Variants in PCDHGA1 observed in about 807,000 individuals in gnomAD.
PCDHGA1 encodes the protein protocadherin gamma subfamily A, 1, also known as protocadherin gamma-A1.
Under a neutral mutation model 58.0 loss-of-function variants are expected in PCDHGA1, and 32 were observed. That is an observed-to-expected ratio of 0.55 (90% CI 0.42 to 0.74). The LOEUF is 0.74. PCDHGA1 is among the 30% of genes least tolerant of loss of function. PCDHGA1 has a pLI of 0.00. For missense variants in PCDHGA1, 1,205 were observed against 1,182.3 expected (o/e 1.02, Z -0.28); for synonymous variants, 498 against 501.1 (o/e 0.99, Z 0.08).
rs1160254496 is a variant in PCDHGA1, at chr5:141,361,417, G to A, written c.2421+28312G>A. The A allele has an allele frequency of 1.9e-6, 3 of 1,613,898 alleles. No individual in the cohort carries two copies. The highest frequency in any genetic ancestry group is 2.7e-5 in the African/African-American group (2 of 74,936). On this transcript the variant is annotated intron_variant, in intron 1 of 3. Coordinates refer to ENST00000517417, the MANE Select transcript of PCDHGA1 (RefSeq NM_018912.3). ...TCTCACCATCACAGCCACCGACGGG[G>A]GCAAGCCGCCCCTCTCCTCCAGCAT...
chr5:141,496,513 G>A (rs1364297990), intron 2 of PCDHGA1, among the ~76,000 whole-genome samples: 1 of 152,140 alleles, frequency 6.6e-6, no homozygotes, highest in Non-Finnish European at 1.5e-5. Context: ...CAAGGACCCA[G>A]GAGCCCTTGG....
In PCDHGA1 at chr5:141,390,041, C is replaced by A. The variant is rs373243233; in HGVS notation, c.2421+56936C>A. On this transcript the variant is annotated intron_variant, in intron 1 of 3. Coordinates refer to ENST00000517417, the MANE Select transcript of PCDHGA1 (RefSeq NM_018912.3). ...TGCGCCTGCGACGCTCCTCCAGCCC[C>A]GCCTCCTGGAGCTGCTTCCAGCCTG... is the stretch of plus-strand genomic sequence containing the variant. The A allele has an allele frequency of 3.7e-6, 6 of 1,613,940 alleles. No homozygotes were observed. In the African/African-American group the frequency reaches 8.0e-5, roughly 22 times the overall value.
chr5:141,401,512 A>G (rs556332375), intron 1 of PCDHGA1, among the ~76,000 whole-genome samples: 2 of 152,374 alleles, frequency 1.3e-5, no homozygotes, highest in South Asian at 4.1e-4. Context: ...CCACCTCTAT[A>G]TAATTACCAG....
In PCDHGA1 at chr5:141,393,718, C is replaced by G. The variant is rs185464441; in HGVS notation, c.2421+60613C>G. Reference sequence around the variant, plus strand: ...CTTAATGAAAATACTGGGGAAATATCAATAGCAAAAAGTCTAGATTATGAA... The same window carrying G: ...CTTAATGAAAATACTGGGGAAATATGAATAGCAAAAAGTCTAGATTATGAA... On this transcript the variant is annotated intron_variant, in intron 1 of 3. Transcript: ENST00000517417. 1.4e-4 allele frequency: 220 copies of G among 1,613,644 alleles called. 1 individual carries two copies. Among genetic ancestry groups the G allele is most frequent in the Non-Finnish European group, 1.8e-4 (214 of 1,179,840 alleles).
chr5:141,340,827 T>A, intron 1 of PCDHGA1: 1 of 1,613,750 alleles, frequency 6.2e-7, no homozygotes, highest in Non-Finnish European at 8.5e-7. Context: ...CTCTTCTCGG[T>A]GGGTCTGCAC....
intron 1 of PCDHGA1, chr5:141,361,032 A>G: frequency 6.2e-7 from 1 of 1,613,436 alleles, no homozygotes. Flanking sequence ...AAAAAACAGG[A>G]GAAATCACGA....
chr5:141,379,967 T>C (rs1362425240), intron 1 of PCDHGA1, among the ~76,000 whole-genome samples: 1 of 142,578 alleles, frequency 7.0e-6, no homozygotes, highest in Non-Finnish European at 1.5e-5. Context: ...TGGTGTGATC[T>C]CTGCTCACTG....
At chr5:141,346,493 A>G (rs1757760046) in intron 1 of PCDHGA1, 2 of 1,612,488 alleles carry the variant, frequency 1.2e-6, no homozygotes, top group Non-Finnish European at 1.7e-6. Context: ...TTAAGAACAA[A>G]TATGAGAATG....
chr5:141,408,380 G>T, intron 1 of PCDHGA1: 1 of 1,614,028 alleles, frequency 6.2e-7, no homozygotes, highest in East Asian at 2.2e-5. Context: ...CAGTGTCCTG[G>T]ATGTGTCGGC....
chr5:141,408,243 G>A lies in PCDHGA1; in HGVS notation c.2421+75138G>A, dbSNP rs372221747. ...GCGCAGAGGCGCCGGGCCGGCCCGC[G>A]GCAGGTGCTATTTCCTTTGCTGCTG... On this transcript the variant is annotated intron_variant, in intron 1 of 3. Transcript: ENST00000517417. 7 of 1,583,996 alleles carry A rather than the reference G, an allele frequency of 4.4e-6. 1 individual carries two copies. The highest frequency in any genetic ancestry group is 5.2e-6 in the Non-Finnish European group (6 of 1,164,814).
Position 141,489,075 on chromosome 5 carries a change from C to A in PCDHGA1, c.2422-5732C>A. The A allele has an allele frequency of 3.1e-6, 1 of 324,814 alleles. No individual in the cohort carries two copies. The highest frequency in any genetic ancestry group is 5.5e-6 in the Non-Finnish European group (1 of 180,380). The allele number at this position is 324,814 out of a possible 1,614,324, so 20.1% of individuals were successfully genotyped here. A position where few individuals can be genotyped will look rare whatever the true frequency, so the allele number is the denominator to read the frequency against. ...TCAGCTCCCCTCCCCCCTGCCCACCCCCGCCACTCGGTGACTAAGAACTGC... is the reference window on the plus strand; with the variant it reads ...TCAGCTCCCCTCCCCCCTGCCCACCACCGCCACTCGGTGACTAAGAACTGC... On this transcript the variant is annotated intron_variant, in intron 1 of 3. Coordinates refer to ENST00000517417, the MANE Select transcript of PCDHGA1 (RefSeq NM_018912.3). The surrounding 1 kb of genome is among the most constrained non-coding windows in gnomAD (Gnocchi z 4.5).
At chr5:141,445,553 A>G (rs948468877) in intron 1 of PCDHGA1, among the ~76,000 whole-genome samples, 1 of 152,252 alleles carries the variant, frequency 6.6e-6, no homozygotes, top group Non-Finnish European at 1.5e-5. Context: ...ATACAAAAGC[A>G]CTAAGAGAAA....
rs777168071 is a variant in PCDHGA1 at position 141,477,745 on chromosome 5, C to A, written c.2422-17062C>A. The A allele has an allele frequency of 5.0e-6, 8 of 1,613,682 alleles. No homozygotes were observed. The highest frequency in any genetic ancestry group is 6.8e-6 in the Non-Finnish European group (8 of 1,180,042). On this transcript the variant is annotated intron_variant, in intron 1 of 3. Transcript: ENST00000517417. The surrounding 1 kb of genome is among the most constrained non-coding windows in gnomAD (Gnocchi z 4.9). ...TAACAGCTCATATCAGCGATGGGGG[C>A]ACCCCGGTCCTAGCCACCAACATCA...
intron 1 of PCDHGA1, chr5:141,366,326 G>T: frequency 6.2e-7 from 1 of 1,613,810 alleles, no homozygotes. Flanking sequence ...TGCCGTGGCC[G>T]ACAGGATCCC....
intron 1 of PCDHGA1, among the ~76,000 whole-genome samples, chr5:141,336,661 T>C (rs989480755): frequency 2.0e-5 from 3 of 152,148 alleles, no homozygotes; most frequent in African/African-American, 7.2e-5. Context: ...AGTTATTATG[T>C]TTAAGAACTA....
At chr5:141,383,962 T>C in intron 1 of PCDHGA1, 2 of 1,613,460 alleles carry the variant, frequency 1.2e-6, no homozygotes, top group Non-Finnish European at 1.7e-6. Flanking sequence ...TTTAAGTAGC[T>C]CAATCCCTGA....
At chr5:141,404,779 C>G in intron 1 of PCDHGA1, 1 of 1,613,746 alleles carries the variant, frequency 6.2e-7, no homozygotes, top group Non-Finnish European at 8.5e-7. Context: ...ACCGCCTATT[C>G]AAGGCCAGTG....
intron 1 of PCDHGA1, chr5:141,357,448 C>T: frequency 1.9e-6 from 3 of 1,614,238 alleles, no homozygotes; most frequent in Non-Finnish European, 2.5e-6. Flanking sequence ...TCGGGCTTTC[C>T]TGCAGACCTA....
intron 3 of PCDHGA1, among the ~76,000 whole-genome samples, chr5:141,509,722 C>A (rs919655821): frequency 5.9e-5 from 9 of 152,140 alleles, no homozygotes; most frequent in African/African-American, 2.2e-4. Flanking sequence ...CTGATGTCAC[C>A]TAGCTGTGGC....
Sources: gnomAD v4.1 joint callset for allele counts (sites outside exome capture counted in the v4.1 genomes callset) on GRCh38, gnomAD v4.1.1 for gene constraint, Gnocchi (gnomAD v3.1) non-coding constraint, MANE v1.5 for transcripts, NCBI Gene and HGNC (gene_info 2026-07-23, HGNC 2026-07-21) for gene names.